PRUNE2: variants seen among roughly 807,000 people sequenced by gnomAD.
PRUNE2 encodes the protein protein prune homolog 2.
PRUNE2 carries 164 observed loss-of-function variants against 252.0 expected under a neutral mutation model. That is an observed-to-expected ratio of 0.65 (90% CI 0.57 to 0.74). PRUNE2 has a LOEUF of 0.74. Among genes scored for constraint, PRUNE2 ranks in the 30% least tolerant of loss-of-function variants. The probability of loss-of-function intolerance (pLI) is 0.00; values close to 1 mark genes in which losing one functional copy is unlikely to be tolerated. For synonymous variants in PRUNE2, 1,292 were observed against 1,350.2 expected, an observed-to-expected ratio of 0.96 and a Z score of 0.94; for missense variants, 3,495 against 3,711.0, an observed-to-expected ratio of 0.94 and a Z score of 1.51.
intron 6 of PRUNE2, among the ~76,000 whole-genome samples, chr9:76,780,736 GTTTTGT>G (rs199838449): frequency 0.011 from 1,611 of 152,174 alleles, 25 homozygotes; most frequent in African/African-American, 0.036. Flanking sequence ...CAGCAAGAGG[GTTTTGT>G]TTTTGTTTTT....
chr9:76,630,805 C>T (rs11144985), intron 15 of PRUNE2, among the ~76,000 whole-genome samples: 1,539 of 152,312 alleles, frequency 0.01, 24 homozygotes, highest in African/African-American at 0.035. Context: ...GGATTACAGG[C>T]GTAAGCCTCT....
intron 9 of PRUNE2, among the ~76,000 whole-genome samples, chr9:76,678,894 G>A (rs986307374): frequency 2.0e-5 from 3 of 152,144 alleles, no homozygotes; most frequent in Non-Finnish European, 2.9e-5. Context: ...AGAAGCACAG[G>A]TCTGAGACAT....
intron 6 of PRUNE2, among the ~76,000 whole-genome samples, chr9:76,769,445 A>G (rs1250365279): frequency 6.6e-6 from 1 of 152,202 alleles, no homozygotes; most frequent in African/African-American, 2.4e-5. Context: ...AATGTTGTTA[A>G]GAGTTTCGCT....
chr9:76,892,601 T>C (rs1263700338), intron 1 of PRUNE2, among the ~76,000 whole-genome samples: 1 of 152,204 alleles, frequency 6.6e-6, no homozygotes, highest in African/African-American at 2.4e-5. Flanking sequence ...TTGAATACTA[T>C]GTAATAACTT....
chr9:76,668,839 C>T (rs1181354791), intron 9 of PRUNE2, among the ~76,000 whole-genome samples: 1 of 150,866 alleles, frequency 6.6e-6, no homozygotes, highest in East Asian at 2.0e-4. Flanking sequence ...CAAAGTATCG[C>T]ACACAGTAAC....
intron 5 of PRUNE2, among the ~76,000 whole-genome samples, chr9:76,824,888 A>G (rs781493334): frequency 1.3e-5 from 2 of 152,224 alleles, no homozygotes; most frequent in Non-Finnish European, 2.9e-5. Context: ...CATTGAAGAC[A>G]TTGTGACATT....
intron 6 of PRUNE2, among the ~76,000 whole-genome samples, chr9:76,724,761 T>C (rs2047963797): frequency 6.6e-6 from 1 of 152,214 alleles, no homozygotes; most frequent in East Asian, 1.9e-4. Context: ...TTACATTTTC[T>C]TTAAGGACAG....
chr9:76,677,299 TTTTA>T (rs1476140410), intron 9 of PRUNE2, among the ~76,000 whole-genome samples: 2 of 152,258 alleles, frequency 1.3e-5, no homozygotes, highest in Non-Finnish European at 1.5e-5. Context: ...AAATTCATTA[TTTTA>T]TTTATGTTCT....
chr9:76,895,579 A>T (rs1485146619), intron 1 of PRUNE2, among the ~76,000 whole-genome samples: 2 of 152,146 alleles, frequency 1.3e-5, no homozygotes, highest in African/African-American at 4.8e-5. Flanking sequence ...TCGCTTATGC[A>T]CCACACCTTT....
intron 4 of PRUNE2, among the ~76,000 whole-genome samples, chr9:76,840,852 G>A (rs2059347819): frequency 6.6e-6 from 1 of 152,032 alleles, no homozygotes; most frequent in Non-Finnish European, 1.5e-5. Flanking sequence ...TTTGTGGCAG[G>A]CACCTGTAAT....
At chr9:76,785,432 A>G (rs1416853229) in intron 6 of PRUNE2, 1 of 152,212 alleles carries the variant, frequency 6.6e-6, no homozygotes, top group Non-Finnish European at 1.5e-5. Flanking sequence ...TGTGAAGCAA[A>G]GGCAGGGAAC....
At position 76,707,260 on chromosome 9, in the gene PRUNE2, T is replaced by G; in HGVS notation, c.5014A>C (p.Thr1672Pro). 1 of 1,613,996 alleles carries G rather than the reference T, an allele frequency of 6.2e-7. No individual in the cohort carries two copies. The highest frequency in any genetic ancestry group is 8.5e-7 in the Non-Finnish European group (1 of 1,179,884). ...QEKNEHDISA[T>P]VQPEDARVIS... ...ACCCTGGCATCCTCTGGCTGCACAG[T>G]TGCAGAAATGTCATGTTCATTTTTC... The change falls in exon 8 of 19, where the codon ACT (threonine) becomes CCT (proline). Residue 1672 changes from threonine to proline, a missense_variant. Thr to Pro is a conservative substitution (Grantham distance 38). Transcript: ENST00000376718.
At chr9:76,769,156 C>T (rs2052795985) in intron 6 of PRUNE2, among the ~76,000 whole-genome samples, 3 of 152,172 alleles carry the variant, frequency 2.0e-5, no homozygotes, top group Non-Finnish European at 2.9e-5. Context: ...TATTGCTTTG[C>T]TTTTAAAATA....
At position 76,889,022 on chromosome 9, in the gene PRUNE2, T is replaced by TA. The variant is rs367843699; in HGVS notation, c.36+16905dup. On this transcript the variant is annotated intron_variant, in intron 1 of 18. Transcript: ENST00000376718. ...CACACCCAGCTAGTTTTTGTGTTTT[T>TA]AGTAGAGACGGGGTTTCACCATGTT... 3.5e-3 allele frequency among the ~76,000 whole-genome samples: 529 copies of TA among 152,166 alleles called. 3 individuals carry two copies. The highest frequency in any genetic ancestry group is 0.012 in the African/African-American group (479 of 41,534).
chr9:76,704,664 T>C (rs2046180159), intron 8 of PRUNE2, 97 bp downstream of exon 8: 8 of 879,986 alleles, frequency 9.1e-6, no homozygotes, highest in Non-Finnish European at 1.0e-5. Flanking sequence ...TAGTTTTCTC[T>C]CTACCCTCAT....
chr9:76,835,408 C>G (rs962572125), intron 4 of PRUNE2, among the ~76,000 whole-genome samples: 1 of 151,768 alleles, frequency 6.6e-6, no homozygotes, highest in Admixed American at 6.6e-5. Flanking sequence ...AGAAATACAA[C>G]TTAGTTTACG....
intron 6 of PRUNE2, among the ~76,000 whole-genome samples, chr9:76,717,338 G>A (rs1421893396): frequency 2.0e-5 from 3 of 152,140 alleles, no homozygotes; most frequent in African/African-American, 7.2e-5. Flanking sequence ...TGTTTGCATA[G>A]GGGATAATTT....
chr9:76,667,968 G>T (rs1482426623), intron 9 of PRUNE2, among the ~76,000 whole-genome samples: 1 of 152,210 alleles, frequency 6.6e-6, no homozygotes, highest in African/African-American at 2.4e-5. Context: ...AGCGTAGGGG[G>T]AGGTTTGACA....
At chr9:76,751,442 A>G (rs2050609593) in intron 6 of PRUNE2, among the ~76,000 whole-genome samples, 1 of 152,236 alleles carries the variant, frequency 6.6e-6, no homozygotes, top group Non-Finnish European at 1.5e-5. Context: ...CATACTTGCT[A>G]TGAACAAAAA....
Sources: allele counts gnomAD v4.1 joint callset (sites outside exome capture counted in the v4.1 genomes callset), GRCh38; gene constraint gnomAD v4.1.1; transcripts MANE v1.5; gene names NCBI Gene and HGNC (gene_info 2026-07-23, HGNC 2026-07-21).